The following IREB2 variants were observed in gnomAD, a reference collection of about 807,000 sequenced individuals.
The protein encoded by IREB2 is iron-responsive element-binding protein 2.
In IREB2, 39 loss-of-function variants were observed where a neutral mutation model predicts 118.8. The observed-to-expected ratio is 0.33, with a 90% CI of 0.25 to 0.43. The LOEUF (loss-of-function observed/expected upper bound fraction) is 0.43, where lower values mean the gene tolerates loss of function less well. IREB2 is among the 20% of genes least tolerant of loss of function. The probability of loss-of-function intolerance (pLI) is 1.00; values close to 1 mark genes in which losing one functional copy is unlikely to be tolerated. For missense variants in IREB2, 900 were observed against 1,147.3 expected (o/e 0.78, Z 3.11); for synonymous variants, 372 against 392.2 (o/e 0.95, Z 0.61).
chr15:78,467,655 A>T (rs746882558), intron 5 of IREB2, among the ~76,000 whole-genome samples: 3 of 152,004 alleles, frequency 2.0e-5, no homozygotes, highest in Non-Finnish European at 2.9e-5. Context: ...ACGCCACTGC[A>T]CTCCAGCCTG....
chr15:78,443,997 A>G (rs909380491), intron 2 of IREB2, among the ~76,000 whole-genome samples: 3 of 152,100 alleles, frequency 2.0e-5, no homozygotes, highest in African/African-American at 7.2e-5. Context: ...GGCACTCCCA[A>G]TGTGCTGACT....
intron 10 of IREB2, among the ~76,000 whole-genome samples, chr15:78,479,065 T>C (rs910904608): frequency 2.0e-5 from 3 of 152,176 alleles, no homozygotes; most frequent in African/African-American, 7.2e-5. Flanking sequence ...ATTACAGACA[T>C]GAGCCACCAC....
intron 12 of IREB2, 95 bp downstream of exon 12, chr15:78,485,015 G>C (rs78433593): frequency 6.5e-6 from 7 of 1,079,624 alleles, no homozygotes; most frequent in Non-Finnish European, 8.0e-6. Flanking sequence ...ATGCATGAGT[G>C]TCTACATTTG....
In IREB2 at chr15:78,466,302, G is replaced by A. The variant is rs1295296550; in HGVS notation, c.442G>A (p.Gly148Ser). 1 of 1,613,582 alleles carries A rather than the reference G, an allele frequency of 6.2e-7. No homozygotes were observed. The highest frequency in any genetic ancestry group is 1.3e-5 in the African/African-American group (1 of 74,872). ...ACAGAATGCACCAAATCCTGGAGGT[G>A]GTGACCTGCAGAAAGCAGGAAAGCT... ...AIQNAPNPGG[G>S]DLQKAGKLSP... Residue 148 changes from glycine to serine, a missense_variant, in exon 5 of 22, where the codon GGT becomes AGT. Gly to Ser is a moderately conservative substitution (Grantham distance 56). Transcript: ENST00000258886.
At chr15:78,456,153 A>G (rs1054218050) in intron 2 of IREB2, among the ~76,000 whole-genome samples, 5 of 152,190 alleles carry the variant, frequency 3.3e-5, no homozygotes, top group African/African-American at 1.2e-4. Flanking sequence ...TACAGATTAT[A>G]TGAGAGCATG....
rs764892059 is a variant in IREB2 at position 78,490,511 on chromosome 15, A to C, written c.2166A>C (p.Ser722=). The change falls in exon 17 of 22, where the codon TCA becomes TCC. Residue 722 remains serine (S), a synonymous_variant. Coordinates refer to ENST00000258886, the MANE Select transcript of IREB2 (RefSeq NM_004136.4). ...DLKSTYIRCP[S]FFDKLTKEPI... Reference sequence around the variant, plus strand: ...AGTCTACTTATATCAGATGCCCTTCATTTTTTGATAAACTTGTAAGTACTG... The same window carrying C: ...AGTCTACTTATATCAGATGCCCTTCCTTTTTTGATAAACTTGTAAGTACTG... 6.2e-7 allele frequency: 1 copy of C among 1,604,606 alleles called. No individual in the cohort carries two copies. The highest frequency in any genetic ancestry group is 8.5e-7 in the Non-Finnish European group (1 of 1,176,800).
rs188154701 is a variant in IREB2, at chr15:78,488,699, A to G, written c.2004A>G (p.Arg668=). The G allele has an allele frequency of 1.2e-6, 2 of 1,610,930 alleles. No homozygotes were observed. Among genetic ancestry groups the G allele is most frequent in the Non-Finnish European group, 1.7e-6 (2 of 1,177,332 alleles). The change falls in exon 16 of 22, where the codon CGA becomes CGG. Residue 668 remains arginine, a synonymous_variant. Transcript: ENST00000258886. ...ACCTGCATGATATTTGGCCTAGTCGAGAAGAAGTTCATCGAGTAGAGGAAG... is the reference window on the plus strand; with the variant it reads ...ACCTGCATGATATTTGGCCTAGTCGGGAAGAAGTTCATCGAGTAGAGGAAG... ...NIYLHDIWPS[R]EEVHRVEEEH... is the part of the protein sequence containing the mutation.
In IREB2 at chr15:78,476,376, T is replaced by C; in HGVS notation, c.1195+17T>C. On this transcript the variant is annotated intron_variant, in intron 9 of 21. Coordinates refer to ENST00000258886, the MANE Select transcript of IREB2 (RefSeq NM_004136.4). ...AACATACAGGTAAGAAGATAAAAGATCACTAGAATAAACATGTTACATTTC... is the reference window on the plus strand; with the variant it reads ...AACATACAGGTAAGAAGATAAAAGACCACTAGAATAAACATGTTACATTTC... 1 of 1,493,202 alleles carries C rather than the reference T, an allele frequency of 6.7e-7. No homozygotes were observed. Among genetic ancestry groups the C allele is most frequent in the Non-Finnish European group, 9.2e-7 (1 of 1,091,072 alleles). 92.5% of individuals were successfully genotyped at this position (1,493,202 alleles called of 1,614,324 possible). A position where few individuals can be genotyped will look rare whatever the true frequency, so the allele number is the denominator to read the frequency against.
Position 78,484,874 on chromosome 15 carries a change from T to C in IREB2, c.1527T>C (p.Val509=). The part of the protein sequence containing the change: ...LSHGSVVIAA[V]ISCTNNCNPS... ...ATGGATCAGTGGTCATTGCTGCAGT[T>C]ATCAGTTGTACCAATAATTGCAATC... The change falls in exon 12 of 22, where the codon GTT becomes GTC. Residue 509 remains valine, a synonymous_variant. Transcript: ENST00000258886. 6.2e-7 allele frequency: 1 copy of C among 1,614,046 alleles called. No individual in the cohort carries two copies. Among genetic ancestry groups the C allele is most frequent in the Non-Finnish European group, 8.5e-7 (1 of 1,179,954 alleles).
At chr15:78,453,417 CT>C (rs1185179431) in intron 2 of IREB2, among the ~76,000 whole-genome samples, 1 of 152,198 alleles carries the variant, frequency 6.6e-6, no homozygotes, top group East Asian at 1.9e-4. Flanking sequence ...AAAGTGGGCA[CT>C]TTTAGAGAAT....
intron 11 of IREB2, among the ~76,000 whole-genome samples, chr15:78,484,310 C>G (rs933737663): frequency 6.6e-6 from 1 of 152,098 alleles, no homozygotes; most frequent in African/African-American, 2.4e-5. Context: ...ACTGAATTGC[C>G]ATGTACCTGT....
At chr15:78,491,029 A>G (rs1003828869) in intron 18 of IREB2, among the ~76,000 whole-genome samples, 1 of 152,160 alleles carries the variant, frequency 6.6e-6, no homozygotes, top group Admixed American at 6.5e-5. Flanking sequence ...CTGATTGGAA[A>G]TAAGATTTTT....
rs749364538 is a variant in IREB2, at chr15:78,483,417, G to A, written c.1396G>A (p.Ala466Thr). Residue 466 changes from alanine (A) to threonine (T), a missense_variant, in exon 11 of 22, where the codon GCT (alanine) becomes ACT (threonine). Transcript: ENST00000258886. The stretch of plus-strand genomic sequence containing the variant: ...GACAGATATGAAAAGCGATTTCCAG[G>A]CTTGCTTAAATGAAAAGGTAGGTTA... ...AVTDMKSDFQ[A>T]CLNEKVGFKG... The A allele has an allele frequency of 3.8e-6, 6 of 1,591,204 alleles. No individual in the cohort carries two copies. The highest frequency in any genetic ancestry group is 1.1e-5 in the South Asian group (1 of 90,588).
At position 78,500,771 on chromosome 15, in the gene IREB2, T is replaced by C. The variant is rs1300400790; in HGVS notation, c.*2628T>C. 1 of 152,210 alleles carries C rather than the reference T, an allele frequency of 6.6e-6. No individual in the cohort carries two copies. The highest frequency in any genetic ancestry group is 1.5e-5 in the Non-Finnish European group (1 of 68,036). The allele number at this position is 152,210 out of a possible 1,614,324, so 9.4% of individuals were successfully genotyped here. On this transcript the variant is annotated 3_prime_UTR_variant, in exon 22 of 22. Coordinates refer to ENST00000258886, the MANE Select transcript of IREB2 (RefSeq NM_004136.4). ...GCCACTGAATTGCCATTATTATATCTAAAAAGTTTCTAAGATGACAGTTAT... is the reference window on the plus strand; with the variant it reads ...GCCACTGAATTGCCATTATTATATCCAAAAAGTTTCTAAGATGACAGTTAT...
intron 20 of IREB2, among the ~76,000 whole-genome samples, chr15:78,494,669 G>A (rs994700337): frequency 6.6e-6 from 1 of 152,254 alleles, no homozygotes; most frequent in South Asian, 2.1e-4. Flanking sequence ...GACCTCCCAG[G>A]TGCAATCAGT....
chr15:78,463,005 A>G lies in IREB2; in HGVS notation c.190A>G (p.Met64Val). The stretch of plus-strand genomic sequence containing the variant: ...CTTTTTAATGAAGAAGGAAGATGTT[A>G]TGAACATTTTAGACTGGAAAACCAA... The part of the protein sequence containing the change: ...DGFLMKKEDV[M>V]NILDWKTKQS... The change falls in exon 3 of 22, where the codon ATG becomes GTG. Residue 64 changes from methionine (M) to valine (V), a missense_variant. By Grantham distance (21) the Met-to-Val change is conservative. Coordinates refer to ENST00000258886, the MANE Select transcript of IREB2 (RefSeq NM_004136.4). 7 of 1,613,512 alleles carry G rather than the reference A, an allele frequency of 4.3e-6. No individual in the cohort carries two copies. The highest frequency in any genetic ancestry group is 5.9e-6 in the Non-Finnish European group (7 of 1,179,722).
In IREB2 at chr15:78,438,277, C is replaced by G. The variant is rs1243874201; in HGVS notation, c.-61C>G. On this transcript the variant is annotated 5_prime_UTR_variant, in exon 1 of 22. Transcript: ENST00000258886. ...CTGTCTTCCTCCCCGTCTTCCCTGC[C>G]CGGCCTCCCCCTTCTTCCCCCGCTG... 4 of 1,357,650 alleles carry G rather than the reference C, an allele frequency of 2.9e-6. No homozygotes were observed. The highest frequency in any genetic ancestry group is 3.1e-6 in the Non-Finnish European group (3 of 967,304). The allele number at this position is 1,357,650 out of a possible 1,614,324, so 84.1% of individuals were successfully genotyped here.
chr15:78,490,352 T>C, intron 16 of IREB2, 70 bp from the exon 17 acceptor site: 1 of 967,284 alleles, frequency 1.0e-6, no homozygotes, highest in South Asian at 1.6e-5. Flanking sequence ...CCCTTGATCA[T>C]TTTCATGCGC....
rs909730113 is a variant in IREB2 at position 78,438,278 on chromosome 15, CGGCCTCCCCCTTCTTCCCCCGCT to C, written c.-55_-33del. On this transcript the variant is annotated 5_prime_UTR_variant, in exon 1 of 22. Transcript: ENST00000258886. ...TGTCTTCCTCCCCGTCTTCCCTGCC[CGGCCTCCCCCTTCTTCCCCCGCT>C]GGCCCCCTCCCCGGAGGGATAATAT... The C allele has an allele frequency of 8.1e-5, 110 of 1,363,484 alleles. No homozygotes were observed. Among genetic ancestry groups the C allele is most frequent in the Non-Finnish European group, 1.1e-4 (108 of 972,488 alleles). 84.5% of individuals were successfully genotyped at this position (1,363,484 alleles called of 1,614,324 possible).
Sources: gnomAD v4.1 joint callset for allele counts (sites outside exome capture counted in the v4.1 genomes callset) on GRCh38, gnomAD v4.1.1 for gene constraint, MANE v1.5 for transcripts, NCBI Gene and HGNC (gene_info 2026-07-23, HGNC 2026-07-21) for gene names.